FMN1: variants seen among roughly 807,000 people sequenced by gnomAD.
FMN1 encodes formin 1.
FMN1 carries 110 observed loss-of-function variants against 132.4 expected under a neutral mutation model. The observed-to-expected ratio is 0.83, with a 90% CI of 0.71 to 0.97. The LOEUF (loss-of-function observed/expected upper bound fraction) is 0.97, where lower values mean the gene tolerates loss of function less well. Among genes scored for constraint, FMN1 ranks in the 50% least tolerant of loss-of-function variants. The pLI is 0.00. For missense variants in FMN1, 1,792 were observed against 1,705.3 expected, an observed-to-expected ratio of 1.05 and a Z score of -0.90; for synonymous variants, 722 against 651.7, an observed-to-expected ratio of 1.11 and a Z score of -1.64.
At chr15:33,110,984 T>C (rs2039679950) in intron 4 of FMN1, among the ~76,000 whole-genome samples, 1 of 152,166 alleles carries the variant, frequency 6.6e-6, no homozygotes, top group African/African-American at 2.4e-5. Context: ...GTAAATGAGT[T>C]AACACATGTG....
At chr15:32,850,049 G>A (rs2058973024) in intron 17 of FMN1, among the ~76,000 whole-genome samples, 1 of 152,178 alleles carries the variant, frequency 6.6e-6, no homozygotes, top group Non-Finnish European at 1.5e-5. Flanking sequence ...GCCATTTAAT[G>A]ATCTTTGGAA....
At position 33,034,971 on chromosome 15, in the gene FMN1, G is replaced by C. The variant is rs896007128; in HGVS notation, c.2162-26896C>G. Reference sequence around the variant, plus strand: ...ATATCCTATAATGTTCTAAATCAAGGGTTCCTTACTCTGTTTGCACCATGG... The same window carrying C: ...ATATCCTATAATGTTCTAAATCAAGCGTTCCTTACTCTGTTTGCACCATGG... On this transcript the variant is annotated intron_variant, in intron 6 of 20. Coordinates refer to ENST00000616417, the MANE Select transcript of FMN1 (RefSeq NM_001277313.2). Among the ~76,000 whole-genome samples, 6 of 152,152 alleles carry C rather than the reference G, an allele frequency of 3.9e-5. No individual in the cohort carries two copies. In the South Asian group the frequency reaches 1.2e-3, roughly 32 times the overall value.
intron 6 of FMN1, among the ~76,000 whole-genome samples, chr15:33,052,251 A>C (rs2037009553): frequency 6.6e-6 from 1 of 152,174 alleles, no homozygotes; most frequent in African/African-American, 2.4e-5. Flanking sequence ...AAATGTCTGA[A>C]AATACTTGAT....
intron 17 of FMN1, among the ~76,000 whole-genome samples, chr15:32,821,115 C>T (rs999943922): frequency 8.4e-6 from 1 of 119,378 alleles, no homozygotes; most frequent in African/African-American, 2.9e-5. Flanking sequence ...TTCTAAGATA[C>T]AATTTTCTAA....
intron 7 of FMN1, among the ~76,000 whole-genome samples, chr15:32,986,248 G>C (rs1384314197): frequency 6.6e-6 from 1 of 152,166 alleles, no homozygotes; most frequent in African/African-American, 2.4e-5. Flanking sequence ...GACATATAAG[G>C]GCTGACAGTG....
intron 16 of FMN1, among the ~76,000 whole-genome samples, chr15:32,858,741 C>T (rs1188784985): frequency 6.6e-6 from 1 of 152,198 alleles, no homozygotes; most frequent in Non-Finnish European, 1.5e-5. Flanking sequence ...TTCTATAAAT[C>T]CAGTCAAATA....
At chr15:32,821,804 T>A (rs1258789) in intron 17 of FMN1, among the ~76,000 whole-genome samples, 136,568 of 152,082 alleles carry the variant, frequency 0.9, 61,335 homozygotes, top group Admixed American at 0.92. Flanking sequence ...ATCTACAGCT[T>A]ATTATATCTC....
At chr15:32,902,165 C>T in intron 12 of FMN1, 125 bp from the exon 13 acceptor site, 1 of 796,980 alleles carries the variant, frequency 1.3e-6, no homozygotes, top group Non-Finnish European at 1.9e-6. Flanking sequence ...TAAAAGGTGT[C>T]ACATAGGTAG....
intron 17 of FMN1, among the ~76,000 whole-genome samples, chr15:32,808,506 A>C (rs2057760091): frequency 6.6e-6 from 1 of 152,220 alleles, no homozygotes; most frequent in Admixed American, 6.5e-5. Context: ...AGTGTAGCAT[A>C]GAGGAAAGAG....
intron 6 of FMN1, among the ~76,000 whole-genome samples, chr15:33,048,075 G>T (rs2036773237): frequency 6.6e-6 from 1 of 152,082 alleles, no homozygotes; most frequent in Non-Finnish European, 1.5e-5. Context: ...TGTAGCTTTG[G>T]TAATCTTTGG....
intron 4 of FMN1, among the ~76,000 whole-genome samples, chr15:33,129,823 C>G (rs932792932): frequency 7.3e-6 from 1 of 137,272 alleles, no homozygotes; most frequent in African/African-American, 2.8e-5. Context: ...GACAGAGTCT[C>G]GTTCTGTCGC....
intron 2 of FMN1, among the ~76,000 whole-genome samples, chr15:33,192,986 G>C (rs1966130074): frequency 6.6e-6 from 1 of 152,170 alleles, no homozygotes. Context: ...TCCAGGATTT[G>C]AACCTATGTC....
intron 17 of FMN1, among the ~76,000 whole-genome samples, chr15:32,855,995 C>T (rs2059123087): frequency 6.6e-6 from 1 of 152,170 alleles, no homozygotes; most frequent in African/African-American, 2.4e-5. Flanking sequence ...CTGACTTCTC[C>T]TACTTCAATA....
chr15:33,124,808 A>G (rs1018374032), intron 4 of FMN1, among the ~76,000 whole-genome samples: 11 of 151,618 alleles, frequency 7.3e-5, no homozygotes, highest in African/African-American at 2.7e-4. Flanking sequence ...CATGGGATCA[A>G]TTCAATACTA....
At chr15:33,075,088 C>T (rs1467858350) in intron 5 of FMN1, among the ~76,000 whole-genome samples, 1 of 150,128 alleles carries the variant, frequency 6.7e-6, no homozygotes, top group Non-Finnish European at 1.5e-5. Flanking sequence ...TGCTCCACTC[C>T]TACAAGAGAC....
At chr15:32,878,546 C>T (rs1173630303) in intron 16 of FMN1, among the ~76,000 whole-genome samples, 2 of 152,114 alleles carry the variant, frequency 1.3e-5, no homozygotes, top group Non-Finnish European at 2.9e-5. Context: ...ACAGGACTAG[C>T]TGTCAGACAT....
chr15:33,020,548 G>GA (rs2035361605), intron 6 of FMN1, among the ~76,000 whole-genome samples: 1 of 151,592 alleles, frequency 6.6e-6, no homozygotes, highest in Admixed American at 6.6e-5. Context: ...TCAGGAGGCT[G>GA]AAGCAGGAGA....
At chr15:32,849,170 T>G (rs938600681) in intron 17 of FMN1, among the ~76,000 whole-genome samples, 1 of 151,186 alleles carries the variant, frequency 6.6e-6, no homozygotes, top group Non-Finnish European at 1.5e-5. Flanking sequence ...TTTTTGTATT[T>G]TTAGTAGACA....
At chr15:32,925,135 T>C (rs188524208) in intron 10 of FMN1, among the ~76,000 whole-genome samples, 1 of 152,092 alleles carries the variant, frequency 6.6e-6, no homozygotes, top group Non-Finnish European at 1.5e-5. Flanking sequence ...CAAATAGAAA[T>C]AACAACATTT....
Sources: allele counts gnomAD v4.1 joint callset (sites outside exome capture counted in the v4.1 genomes callset), GRCh38; gene constraint gnomAD v4.1.1; transcripts MANE v1.5; gene names NCBI Gene and HGNC (gene_info 2026-07-23, HGNC 2026-07-21).